DPP8: variants seen among roughly 807,000 people sequenced by gnomAD.
The protein encoded by DPP8 is dipeptidyl peptidase 8, also known as DPP VIII.
In DPP8, 31 loss-of-function variants were observed where a neutral mutation model predicts 107.5. The ratio of observed to expected loss-of-function variants is 0.29; its 90% CI spans 0.22 to 0.39. The LOEUF (loss-of-function observed/expected upper bound fraction) is 0.39. DPP8 is among the 10% of genes least tolerant of loss of function. DPP8 has a pLI of 1.00. For missense variants in DPP8, 842 were observed against 1,076.1 expected (o/e 0.78, Z 3.04); for synonymous variants, 381 against 356.6 (o/e 1.07, Z -0.77).
intron 1 of DPP8, among the ~76,000 whole-genome samples, chr15:65,513,093 A>G (rs140348950): frequency 6.6e-6 from 1 of 152,366 alleles, no homozygotes; most frequent in Non-Finnish European, 1.5e-5. Flanking sequence ...TAGGGTACTT[A>G]CCCAAGATAA....
chr15:65,503,701 C>T (rs1480048762), intron 3 of DPP8, among the ~76,000 whole-genome samples: 1 of 152,126 alleles, frequency 6.6e-6, no homozygotes, highest in Non-Finnish European at 1.5e-5. Context: ...AAGCTCACTG[C>T]AACCTCTGCC....
intron 5 of DPP8, among the ~76,000 whole-genome samples, chr15:65,494,722 T>C (rs982203665): frequency 1.3e-5 from 2 of 151,584 alleles, no homozygotes; most frequent in African/African-American, 4.8e-5. Context: ...ACCTAATCTT[T>C]CTACTGCCAT....
At chr15:65,512,716 A>T (rs748446241) in intron 1 of DPP8, 152 bp from the exon 2 acceptor site, 2 of 706,210 alleles carry the variant, frequency 2.8e-6, no homozygotes, top group Middle Eastern at 5.7e-4. Flanking sequence ...TAAGAAAAGC[A>T]ACAGCTCTCC....
rs548588523 is a variant in DPP8, at chr15:65,470,085, G to A, written c.1537-2862C>T. On this transcript the variant is annotated intron_variant, in intron 12 of 19. Coordinates refer to ENST00000300141, the MANE Select transcript of DPP8 (RefSeq NM_130434.5). ...GGTGATGGGCACCTGTAATACCAGC[G>A]ACTCGAGACTTAAGCAGGAGAATCA... is the stretch of plus-strand genomic sequence containing the variant. Among the ~76,000 whole-genome samples, 11 of 147,266 alleles carry A rather than the reference G, an allele frequency of 7.5e-5. No homozygotes were observed. The South Asian group carries it at 1.7e-3, about 23-fold the overall frequency.
chr15:65,504,799 C>T (rs1359487703), intron 3 of DPP8, among the ~76,000 whole-genome samples: 5 of 151,508 alleles, frequency 3.3e-5, no homozygotes, highest in South Asian at 4.2e-4. Context: ...CTGGGCAGCA[C>T]AGTGAGACCC....
chr15:65,472,804 C>T (rs1215674417), intron 12 of DPP8, among the ~76,000 whole-genome samples: 1 of 152,086 alleles, frequency 6.6e-6, no homozygotes, highest in Non-Finnish European at 1.5e-5. Context: ...CTTCAGGAGG[C>T]CGAGACAGGT....
intron 7 of DPP8, among the ~76,000 whole-genome samples, chr15:65,487,025 A>G (rs2067508765): frequency 7.3e-6 from 1 of 136,924 alleles, no homozygotes; most frequent in African/African-American, 3.7e-5. Context: ...AGCAAGAATG[A>G]AATAAAGTGA....
At chr15:65,455,507 T>C in intron 16 of DPP8, 1 of 276,360 alleles carries the variant, frequency 3.6e-6, no homozygotes, top group Non-Finnish European at 6.2e-6. Flanking sequence ...CTTATTTCCC[T>C]ATTATACTAC....
chr15:65,511,992 G>A, intron 2 of DPP8: 3 of 497,014 alleles, frequency 6.0e-6, no homozygotes, highest in South Asian at 4.9e-5. Flanking sequence ...TGGTTTTATT[G>A]TTTGTTTTCC....
At chr15:65,474,447 G>A (rs1478180982) in intron 11 of DPP8, among the ~76,000 whole-genome samples, 159 bp from the exon 12 acceptor site, 1 of 152,172 alleles carries the variant, frequency 6.6e-6, no homozygotes, top group East Asian at 1.9e-4. Context: ...ACAGCATTGT[G>A]AATGTACTAA....
intron 5 of DPP8, among the ~76,000 whole-genome samples, chr15:65,492,264 T>C (rs558521801): frequency 4.3e-4 from 65 of 151,728 alleles, no homozygotes; most frequent in Non-Finnish European, 7.9e-4. Context: ...ATCACTTGAG[T>C]CTGGGAGAAG....
At chr15:65,468,022 TA>T (rs1567175515) in intron 12 of DPP8, among the ~76,000 whole-genome samples, 1 of 152,190 alleles carries the variant, frequency 6.6e-6, no homozygotes, top group Non-Finnish European at 1.5e-5. Flanking sequence ...TCAATACTGG[TA>T]TAGTTTACAA....
rs536351225 is a variant in DPP8 at position 65,444,749 on chromosome 15, A to G, written c.*2135T>C. The G allele has an allele frequency of 5.6e-4, 85 of 152,342 alleles. No homozygotes were observed. The highest frequency in any genetic ancestry group is 1.9e-3 in the African/African-American group (80 of 41,582). 9.4% of individuals were successfully genotyped at this position (152,342 alleles called of 1,614,324 possible). A position where few individuals can be genotyped will look rare whatever the true frequency, so the allele number is the denominator to read the frequency against. On this transcript the variant is annotated 3_prime_UTR_variant, in exon 20 of 20. Transcript: ENST00000300141. ...AGTTTTCTAAGTTTGTTTCGGTAAAATAAGAGATGCCACTTTGAAGAAACA... is the reference window on the plus strand; with the variant it reads ...AGTTTTCTAAGTTTGTTTCGGTAAAGTAAGAGATGCCACTTTGAAGAAACA...
At chr15:65,507,468 G>T in intron 2 of DPP8, 113 bp from the exon 3 acceptor site, 2 of 580,284 alleles carry the variant, frequency 3.4e-6, no homozygotes, top group Non-Finnish European at 3.0e-6. Flanking sequence ...CACTCTATGG[G>T]ATATATAATG....
intron 16 of DPP8, among the ~76,000 whole-genome samples, 169 bp from the exon 17 acceptor site, chr15:65,454,584 T>TGACGCAGTCTCGGCTCACTGCAAC (rs1403184068): frequency 6.6e-6 from 1 of 152,256 alleles, no homozygotes; most frequent in Non-Finnish European, 1.5e-5. Context: ...TGGAGTGCAA[T>TGACGCAGTCTCGGCTCACTGCAAC]GACGCAGTCT....
chr15:65,492,296 C>T (rs2068116679), intron 5 of DPP8, among the ~76,000 whole-genome samples: 1 of 151,958 alleles, frequency 6.6e-6, no homozygotes, highest in Non-Finnish European at 1.5e-5. Flanking sequence ...GAGCCGAGAT[C>T]ATGCCACTGC....
intron 3 of DPP8, among the ~76,000 whole-genome samples, chr15:65,506,151 GAA>G (rs1449320003): frequency 6.6e-6 from 1 of 151,350 alleles, no homozygotes; most frequent in African/African-American, 2.4e-5. Flanking sequence ...CTAACACGGT[GAA>G]ACTGTGGCTC....
intron 15 of DPP8, among the ~76,000 whole-genome samples, chr15:65,462,731 T>C (rs2065027244): frequency 1.3e-5 from 2 of 152,050 alleles, no homozygotes; most frequent in Non-Finnish European, 2.9e-5. Flanking sequence ...AGGCACGCAC[T>C]ACCACGCCCA....
chr15:65,465,319 C>T (rs1368891834), intron 14 of DPP8, among the ~76,000 whole-genome samples: 1 of 151,282 alleles, frequency 6.6e-6, no homozygotes, highest in Admixed American at 6.6e-5. Context: ...AGGTGCCCAC[C>T]ACCACGTCTG....
Sources: allele counts gnomAD v4.1 joint callset (sites outside exome capture counted in the v4.1 genomes callset), GRCh38; gene constraint gnomAD v4.1.1; transcripts MANE v1.5; gene names NCBI Gene and HGNC (gene_info 2026-07-23, HGNC 2026-07-21).